EHMT1: variants seen among roughly 807,000 people sequenced by gnomAD.
EHMT1 encodes euchromatic histone lysine methyltransferase 1, also known as histone-lysine N-methyltransferase EHMT1.
In EHMT1, 15 loss-of-function variants were observed where a neutral mutation model predicts 147.2. That is an observed-to-expected ratio of 0.10 (90% CI 0.07 to 0.16). The LOEUF (loss-of-function observed/expected upper bound fraction) is 0.16, where lower values mean the gene tolerates loss of function less well. Among genes scored for constraint, EHMT1 ranks in the 10% least tolerant of loss-of-function variants. The probability of loss-of-function intolerance (pLI) is 1.00; values close to 1 mark genes in which losing one functional copy is unlikely to be tolerated. For synonymous variants in EHMT1, 795 were observed against 709.6 expected (o/e 1.12, Z -1.91); for missense variants, 1,587 against 1,772.4 (o/e 0.90, Z 1.88).
intron 9 of EHMT1, among the ~76,000 whole-genome samples, chr9:137,761,326 CTT>C (rs1949795840): frequency 6.6e-6 from 1 of 152,212 alleles, no homozygotes; most frequent in South Asian, 2.1e-4. Context: ...CCAAGATATC[CTT>C]TGTTTTCAAA....
chr9:137,775,492 G>C lies in EHMT1; in HGVS notation c.1791+240G>C, dbSNP rs1234412086. 6.6e-6 allele frequency among the ~76,000 whole-genome samples: 1 copy of C among 151,754 alleles called. No individual in the cohort carries two copies. Among genetic ancestry groups the C allele is most frequent in the Non-Finnish European group, 1.5e-5 (1 of 67,922 alleles). On this transcript the variant is annotated intron_variant, in intron 11 of 26. Transcript: ENST00000460843. The surrounding 1 kb of genome is among the most constrained non-coding windows in gnomAD (Gnocchi z 6.1). ...TCCTACCGCCTGGAAACCGCTTTTG[G>C]AGATGACTAGGACGGTGTGACCTGG...
intron 1 of EHMT1, 48 bp from the exon 2 acceptor site, chr9:137,710,919 G>A: frequency 6.4e-7 from 1 of 1,557,942 alleles, no homozygotes; most frequent in South Asian, 1.2e-5. Flanking sequence ...ATTTGGAAAA[G>A]CGGCCTCCCA....
chr9:137,629,033 C>T (rs1843443926), intron 1 of EHMT1, among the ~76,000 whole-genome samples: 1 of 150,528 alleles, frequency 6.6e-6, no homozygotes, highest in Non-Finnish European at 1.5e-5. Flanking sequence ...GGTAAGTGGG[C>T]AGTTTGATTT....
At chr9:137,676,676 A>G (rs1228148833) in intron 1 of EHMT1, among the ~76,000 whole-genome samples, 4 of 152,240 alleles carry the variant, frequency 2.6e-5, no homozygotes, top group Non-Finnish European at 5.9e-5. Flanking sequence ...GAACCTGCCC[A>G]CAGGGGACTG....
chr9:137,744,043 A>G lies in EHMT1; in HGVS notation c.1123A>G (p.Ser375Gly), dbSNP rs1014104736. The G allele has an allele frequency of 6.2e-7, 1 of 1,614,056 alleles. No homozygotes were observed. The highest frequency in any genetic ancestry group is 1.3e-5 in the African/African-American group (1 of 74,932). Residue 375 changes from serine to glycine, a missense_variant, in exon 6 of 27, where the codon AGC becomes GGC. By Grantham distance (56) the Ser-to-Gly change is moderately conservative. Around this residue, in one of 7 missense-constraint regions of EHMT1, gnomAD observed 810 missense variants for 673.0 expected, o/e 1.20. Coordinates refer to ENST00000460843, the MANE Select transcript of EHMT1 (RefSeq NM_024757.5). Reference protein sequence around the residue: ...EQAAAFPTEDSRTSKESMSEA... With the variant: ...EQAAAFPTEDGRTSKESMSEA... The stretch of plus-strand genomic sequence containing the variant: ...GGCGGCCGCGTTCCCCACAGAGGAC[A>G]GCAGGACTTCCAAGGAGAGCATGTC...
chr9:137,718,402 A>G (rs1263213971), intron 3 of EHMT1, among the ~76,000 whole-genome samples: 1 of 152,200 alleles, frequency 6.6e-6, no homozygotes, highest in Admixed American at 6.5e-5. Context: ...TCTCTCTGAC[A>G]TTGCTGGTGA....
chr9:137,669,731 T>TA (rs1564563748), intron 1 of EHMT1, among the ~76,000 whole-genome samples: 6 of 152,022 alleles, frequency 3.9e-5, no homozygotes, highest in East Asian at 1.9e-4. Context: ...TTCTCTTTTT[T>TA]TAAAAAAAAA....
chr9:137,805,751 C>G lies in EHMT1; in HGVS notation c.2712+4767C>G, dbSNP rs111896851. 8.9e-3 allele frequency among the ~76,000 whole-genome samples: 1,350 copies of G among 152,226 alleles called. 21 individuals are homozygous for G. The highest frequency in any genetic ancestry group is 0.031 in the African/African-American group (1,270 of 41,508). ...GATCTTGGCTCACTGTAACCTCCGCCTCCCGGGTTCGAGCTATTCTCATGC... is the reference window on the plus strand; with the variant it reads ...GATCTTGGCTCACTGTAACCTCCGCGTCCCGGGTTCGAGCTATTCTCATGC... On this transcript the variant is annotated intron_variant, in intron 18 of 26. Transcript: ENST00000460843.
At chr9:137,674,752 G>C (rs927051419) in intron 1 of EHMT1, 7 of 152,258 alleles carry the variant, frequency 4.6e-5, no homozygotes, top group Admixed American at 2.6e-4. Context: ...GGCTTGTGTG[G>C]GTCACCACAG....
chr9:137,646,367 G>A (rs1441452335), intron 1 of EHMT1: 1 of 985,426 alleles, frequency 1.0e-6, no homozygotes, highest in African/African-American at 1.7e-5. Flanking sequence ...TTTCAAGTTT[G>A]TGCTGCGGGC....
chr9:137,743,230 C>G, intron 4 of EHMT1, 141 bp from the exon 5 acceptor site: 1 of 962,502 alleles, frequency 1.0e-6, no homozygotes, highest in East Asian at 2.7e-5. Flanking sequence ...TGATGACCTG[C>G]GGGCAGTGGG....
At chr9:137,768,454 A>C (rs1950363769) in intron 10 of EHMT1, among the ~76,000 whole-genome samples, 1 of 142,582 alleles carries the variant, frequency 7.0e-6, no homozygotes, top group African/African-American at 2.6e-5. Flanking sequence ...CCCAGGTTCA[A>C]GCGATTCTTT....
intron 21 of EHMT1, 69 bp from the exon 22 acceptor site, chr9:137,814,362 G>C: frequency 6.5e-7 from 1 of 1,528,072 alleles, no homozygotes; most frequent in Non-Finnish European, 9.0e-7. Flanking sequence ...GGAAGACGTA[G>C]TTGTGACTGG....
intron 23 of EHMT1, 139 bp downstream of exon 23, chr9:137,816,201 C>T (rs912528089): frequency 1.3e-6 from 1 of 765,760 alleles, no homozygotes; most frequent in Non-Finnish European, 2.3e-6. Context: ...CGACAAGTTA[C>T]CTGAGCCCTT....
chr9:137,800,643 G>T, intron 17 of EHMT1: 1 of 573,288 alleles, frequency 1.7e-6, no homozygotes. Context: ...ATGTCGGGCA[G>T]GGTTGTTGGG....
At chr9:137,646,742 T>C (rs1256464298) in intron 1 of EHMT1, among the ~76,000 whole-genome samples, 1 of 152,200 alleles carries the variant, frequency 6.6e-6, no homozygotes, top group African/African-American at 2.4e-5. Context: ...TCTTGTAACG[T>C]TGGATGTCTT....
intron 3 of EHMT1, 106 bp from the exon 4 acceptor site, chr9:137,728,243 C>A: frequency 6.8e-7 from 1 of 1,477,776 alleles, no homozygotes; most frequent in Non-Finnish European, 9.4e-7. Context: ...TCTCATCTTT[C>A]GGTTGTGGGG....
chr9:137,744,962 T>C (rs1248268080), intron 6 of EHMT1, among the ~76,000 whole-genome samples: 1 of 152,176 alleles, frequency 6.6e-6, no homozygotes, highest in Admixed American at 6.5e-5. Flanking sequence ...TTCTGAGGGG[T>C]CAGTTAGGAG....
rs769850896 is a variant in EHMT1, at chr9:137,728,450, G to A, written c.744G>A (p.Gln248=). The A allele has an allele frequency of 6.2e-7, 1 of 1,614,090 alleles. No homozygotes were observed. Among genetic ancestry groups the A allele is most frequent in the South Asian group, 1.1e-5 (1 of 91,080 alleles). Residue 248 remains glutamine, a synonymous_variant, in exon 4 of 27, where the codon CAG becomes CAA. Transcript: ENST00000460843. ...ACATTTCTGACTTTGGACGACAGCA[G>A]CTTTTACCCCCCTTCCCATCCCTTC... ...NKNISDFGRQ[Q]LLPPFPSLHQ...
Sources: gnomAD v4.1 joint callset for allele counts (sites outside exome capture counted in the v4.1 genomes callset) on GRCh38, gnomAD v4.1.1 for gene constraint, gnomAD v4.1.1 regional missense constraint, Gnocchi (gnomAD v3.1) non-coding constraint, MANE v1.5 for transcripts, NCBI Gene and HGNC (gene_info 2026-07-23, HGNC 2026-07-21) for gene names.